Variants in GABRG2 observed in about 807,000 individuals in gnomAD.
GABRG2 encodes the protein gamma-aminobutyric acid receptor subunit gamma-2.
GABRG2 carries 16 observed loss-of-function variants against 56.4 expected under a neutral mutation model. The ratio of observed to expected loss-of-function variants is 0.28; its 90% CI spans 0.19 to 0.43. The LOEUF (loss-of-function observed/expected upper bound fraction) is 0.43, where lower values mean the gene tolerates loss of function less well. Ranked by LOEUF, GABRG2 falls within the 20% of genes least tolerant of loss-of-function variation. GABRG2 has a pLI of 1.00. For missense variants in GABRG2, 327 were observed against 582.7 expected, an observed-to-expected ratio of 0.56 and a Z score of 4.52; for synonymous variants, 208 against 205.5, an observed-to-expected ratio of 1.01 and a Z score of -0.10.
rs192940868 is a variant in GABRG2 at position 162,149,597 on chromosome 5, C to T, written c.1128+284C>T. 29 of 742,184 alleles carry T rather than the reference C, an allele frequency of 3.9e-5. No homozygotes were observed. In the East Asian group the frequency reaches 7.3e-4, roughly 19 times the overall value. The allele number at this position is 742,184 out of a possible 1,614,324, so 46.0% of individuals were successfully genotyped here. ...CATTTTTGAGAAATGTGACCTTCTT[C>T]TTGTTGCTATTATTCCAGGTTTCAC... On this transcript the variant is annotated intron_variant, in intron 8 of 9. Coordinates refer to ENST00000639213, the MANE Select transcript of GABRG2 (RefSeq NM_198904.4).
At chr5:162,093,740 T>G in intron 1 of GABRG2, 88 bp from the exon 2 acceptor site, 1 of 1,253,972 alleles carries the variant, frequency 8.0e-7, no homozygotes, top group Admixed American at 1.7e-5. Context: ...TTATCCTGTT[T>G]TATTTCTTCT....
At chr5:162,088,100 T>C (rs980421339) in intron 1 of GABRG2, among the ~76,000 whole-genome samples, 10 of 152,218 alleles carry the variant, frequency 6.6e-5, no homozygotes, top group Admixed American at 6.6e-4. Flanking sequence ...TTGCATGTCC[T>C]TACTGGGAGG....
chr5:162,097,588 A>T (rs1275041292), intron 3 of GABRG2, 50 bp from the exon 4 acceptor site: 1 of 1,331,386 alleles, frequency 7.5e-7, no homozygotes, highest in East Asian at 2.3e-5. Context: ...ATATTTAAAA[A>T]GATAATCTTA....
intron 1 of GABRG2, among the ~76,000 whole-genome samples, chr5:162,088,057 G>C (rs569147315): frequency 1.2e-4 from 18 of 152,170 alleles, no homozygotes; most frequent in African/African-American, 3.1e-4. Flanking sequence ...CTCATGCATA[G>C]AGCACCCTCT....
rs572913648 is a variant in GABRG2 at position 162,068,837 on chromosome 5, C to T, written c.107+731C>T. 4.6e-5 allele frequency among the ~76,000 whole-genome samples: 7 copies of T among 152,188 alleles called. No homozygotes were observed. The South Asian group carries it at 1.5e-3, about 32-fold the overall frequency. ...AATATACAGATCCTGATCTGTTTAC[C>T]TCTACTCCCTCCTTGATATGGGAAG... On this transcript the variant is annotated intron_variant, in intron 1 of 9. Transcript: ENST00000639213.
intron 2 of GABRG2, among the ~76,000 whole-genome samples, 156 bp from the exon 3 acceptor site, chr5:162,095,339 G>A (rs777263221): frequency 1.6e-4 from 25 of 152,138 alleles, no homozygotes; most frequent in Admixed American, 1.5e-3. Context: ...AAACAAAATA[G>A]TTATTCAAAT....
At chr5:162,099,130 A>G (rs911028612) in intron 4 of GABRG2, 21 of 152,196 alleles carry the variant, frequency 1.4e-4, no homozygotes, top group African/African-American at 4.1e-4. Context: ...TAATACTTGA[A>G]TAGGCTCCAA....
chr5:162,108,160 G>A (rs948491762), intron 6 of GABRG2, among the ~76,000 whole-genome samples: 7 of 152,116 alleles, frequency 4.6e-5, no homozygotes, highest in Admixed American at 6.5e-5. Context: ...GAAATCAAGG[G>A]CAAGCACTGG....
At chr5:162,068,568 G>C (rs1230064616) in intron 1 of GABRG2, among the ~76,000 whole-genome samples, 1 of 151,930 alleles carries the variant, frequency 6.6e-6, no homozygotes, top group Non-Finnish European at 1.5e-5. Flanking sequence ...CTGTTCCTGT[G>C]TACTAAGGCA....
Position 162,153,285 on chromosome 5 carries a change from A to T in GABRG2, c.1345A>T (p.Met449Leu). The change falls in exon 10 of 10, where the codon ATG (methionine) becomes TTG (leucine). Residue 449 changes from methionine to leucine, a missense_variant. Physicochemically the swap from Met to Leu is conservative, Grantham distance 15. Coordinates refer to ENST00000639213, the MANE Select transcript of GABRG2 (RefSeq NM_198904.4). ...GAGGATACATATCCGCATTGCCAAA[A>T]TGGACTCCTATGCTCGGATCTTCTT... Reference protein sequence around the residue: ...HGRIHIRIAKMDSYARIFFPT... With the variant: ...HGRIHIRIAKLDSYARIFFPT... The T allele has an allele frequency of 6.2e-7, 1 of 1,614,024 alleles. No individual in the cohort carries two copies. Among genetic ancestry groups the T allele is most frequent in the South Asian group, 1.1e-5 (1 of 91,072 alleles).
chr5:162,086,584 T>C (rs1385931875), intron 1 of GABRG2, among the ~76,000 whole-genome samples: 1 of 152,030 alleles, frequency 6.6e-6, no homozygotes, highest in Non-Finnish European at 1.5e-5. Context: ...AACGTCTTCT[T>C]TCTTTCCTAG....
Position 162,093,820 on chromosome 5 carries a change from T to G in GABRG2, c.108-8T>G. On this transcript the variant is annotated splice_region_variant and splice_polypyrimidine_tract_variant and intron_variant, in intron 1 of 9. Transcript: ENST00000639213. Reference sequence around the variant, plus strand: ...TATGTGTTTTTTGACCAATATGTTTTTTCTTAGCTTCACTAGCCAGAAATC... The same window carrying G: ...TATGTGTTTTTTGACCAATATGTTTGTTCTTAGCTTCACTAGCCAGAAATC... The G allele has an allele frequency of 6.2e-7, 1 of 1,612,612 alleles. No homozygotes were observed. Among genetic ancestry groups the G allele is most frequent in the Non-Finnish European group, 8.5e-7 (1 of 1,179,104 alleles).
Position 162,147,371 on chromosome 5 carries a change from G to T in GABRG2, c.923-1737G>T, listed in dbSNP as rs141585459. The stretch of plus-strand genomic sequence containing the variant: ...CCTCTGTCTCTCTTTCTGTCTGTCT[G>T]TCTTTCTTTTTGACAGAGTTTTTAC... On this transcript the variant is annotated intron_variant, in intron 7 of 9. Coordinates refer to ENST00000639213, the MANE Select transcript of GABRG2 (RefSeq NM_198904.4). Among the ~76,000 whole-genome samples, 867 of 136,364 alleles carry T rather than the reference G, an allele frequency of 6.4e-3. 12 individuals carry two copies. The highest frequency in any genetic ancestry group is 0.023 in the African/African-American group (825 of 36,316). 89.5% of individuals were successfully genotyped at this position (136,364 alleles called of 152,430 possible). A position where few individuals can be genotyped will look rare whatever the true frequency, so the allele number is the denominator to read the frequency against.
At chr5:162,145,378 T>C (rs1263527182) in intron 7 of GABRG2, among the ~76,000 whole-genome samples, 2 of 152,184 alleles carry the variant, frequency 1.3e-5, no homozygotes, top group Non-Finnish European at 2.9e-5. Flanking sequence ...CTGAAGAGCT[T>C]ACTTCATGCC....
intron 8 of GABRG2, chr5:162,150,697 T>C (rs1765305809): frequency 6.6e-6 from 1 of 152,196 alleles, no homozygotes; most frequent in Non-Finnish European, 1.5e-5. Flanking sequence ...GGAATTTAGC[T>C]GATTCTAGGT....
In GABRG2 at chr5:162,147,412, C is replaced by T. The variant is rs570894072; in HGVS notation, c.923-1696C>T. Among the ~76,000 whole-genome samples, 10 of 151,412 alleles carry T rather than the reference C, an allele frequency of 6.6e-5. 1 individual carries two copies. Among genetic ancestry groups the T allele is most frequent in the East Asian group, 5.9e-4 (3 of 5,122 alleles). On this transcript the variant is annotated intron_variant, in intron 7 of 9. Transcript: ENST00000639213. ...GAGTTTTTACTCTTGTCACCCAGGC[C>T]GGAGTGCAATGCCACGATTTCAGCT...
Position 162,067,881 on chromosome 5 carries a change from C to T in GABRG2, c.-119C>T. On this transcript the variant is annotated 5_prime_UTR_variant, in exon 1 of 10. Transcript: ENST00000639213. The stretch of plus-strand genomic sequence containing the variant: ...AGCAATCCATCTCCCCAGTGAAGGA[C>T]CTACTAGAGGCAGGTGGGGGGAGCC... 1 of 737,730 alleles carries T rather than the reference C, an allele frequency of 1.4e-6. No homozygotes were observed. Among genetic ancestry groups the T allele is most frequent in the Non-Finnish European group, 2.4e-6 (1 of 413,038 alleles). 45.7% of individuals were successfully genotyped at this position (737,730 alleles called of 1,614,324 possible). A position where few individuals can be genotyped will look rare whatever the true frequency, so the allele number is the denominator to read the frequency against.
At position 162,142,149 on chromosome 5, in the gene GABRG2, T is replaced by C; in HGVS notation, c.770-15T>C. The stretch of plus-strand genomic sequence containing the variant: ...TGATAAAGGGTTGTATGGTGTTATC[T>C]TTGGTCTGTTCCAGGAGATTATGTG... On this transcript the variant is annotated splice_polypyrimidine_tract_variant and intron_variant, in intron 6 of 9. Transcript: ENST00000639213. 1 of 1,613,832 alleles carries C rather than the reference T, an allele frequency of 6.2e-7. No homozygotes were observed. The highest frequency in any genetic ancestry group is 8.5e-7 in the Non-Finnish European group (1 of 1,179,746).
At chr5:162,081,191 A>G (rs1326285343) in intron 1 of GABRG2, among the ~76,000 whole-genome samples, 1 of 152,114 alleles carries the variant, frequency 6.6e-6, no homozygotes, top group Non-Finnish European at 1.5e-5. Context: ...TAGTTCATTA[A>G]TGAAATTTTA....
Sources: allele counts gnomAD v4.1 joint callset (sites outside exome capture counted in the v4.1 genomes callset), GRCh38; gene constraint gnomAD v4.1.1; transcripts MANE v1.5; gene names NCBI Gene and HGNC (gene_info 2026-07-23, HGNC 2026-07-21).